Variants in CFAP299 observed in about 807,000 individuals in gnomAD.
The protein encoded by CFAP299 is cilia- and flagella-associated protein 299.
In CFAP299, 21 loss-of-function variants were observed where a neutral mutation model predicts 27.0. The ratio of observed to expected loss-of-function variants is 0.78; its 90% CI spans 0.55 to 1.12. CFAP299 has a LOEUF of 1.12. CFAP299 is among the 50% of genes most tolerant of loss of function. The pLI, the probability that CFAP299 is intolerant of heterozygous loss-of-function variation, is 0.00. For synonymous variants in CFAP299, 104 were observed against 98.1 expected (o/e 1.06, Z -0.36); for missense variants, 310 against 276.6 (o/e 1.12, Z -0.86).
chr4:80,883,702 G>T (rs1733831297), intron 4 of CFAP299, among the ~76,000 whole-genome samples: 1 of 152,080 alleles, frequency 6.6e-6, no homozygotes, highest in East Asian at 1.9e-4. Context: ...GTTCATAATA[G>T]AGTGATACAG....
At chr4:80,655,357 C>T (rs749784099) in intron 3 of CFAP299, among the ~76,000 whole-genome samples, 18 of 151,986 alleles carry the variant, frequency 1.2e-4, no homozygotes, top group Non-Finnish European at 1.8e-4. Flanking sequence ...CTATTGCTGC[C>T]GGATACAATA....
intron 2 of CFAP299, among the ~76,000 whole-genome samples, chr4:80,508,329 G>A (rs1732131576): frequency 1.3e-5 from 2 of 152,186 alleles, no homozygotes; most frequent in African/African-American, 2.4e-5. Flanking sequence ...GGTGGAAACA[G>A]ATAGTTTTCT....
chr4:80,851,554 G>C (rs907232784), intron 3 of CFAP299, among the ~76,000 whole-genome samples: 1 of 152,084 alleles, frequency 6.6e-6, no homozygotes, highest in Non-Finnish European at 1.5e-5. Flanking sequence ...GGAACTGAAA[G>C]GTATAGAAGA....
At chr4:80,358,290 G>A (rs1454752119) in intron 1 of CFAP299, among the ~76,000 whole-genome samples, 1 of 152,096 alleles carries the variant, frequency 6.6e-6, no homozygotes, top group South Asian at 2.1e-4. Flanking sequence ...GTGACAGGTG[G>A]CAGTGAGAAG....
the CFAP299 span, among the ~76,000 whole-genome samples, chr4:80,325,270 C>T: frequency 2.6e-5 from 4 of 152,214 alleles, no homozygotes; most frequent in Non-Finnish European, 5.9e-5. Flanking sequence ...TTTGTTGAAA[C>T]ACAGTAGGTA....
At chr4:80,749,065 T>G (rs1724781499) in intron 3 of CFAP299, among the ~76,000 whole-genome samples, 1 of 152,216 alleles carries the variant, frequency 6.6e-6, no homozygotes, top group African/African-American at 2.4e-5. Flanking sequence ...ATAGGCAGCA[T>G]TTCTAGTATA....
At chr4:80,851,020 T>C (rs1731491453) in intron 3 of CFAP299, among the ~76,000 whole-genome samples, 1 of 152,126 alleles carries the variant, frequency 6.6e-6, no homozygotes, top group South Asian at 2.1e-4. Context: ...AGCAAATTTA[T>C]GGAATGACAT....
intron 4 of CFAP299, among the ~76,000 whole-genome samples, chr4:80,941,838 G>A (rs1293256849): frequency 6.6e-6 from 1 of 152,096 alleles, no homozygotes; most frequent in African/African-American, 2.4e-5. Flanking sequence ...AAGAGACAAG[G>A]GAGGTGTACA....
intron 3 of CFAP299, among the ~76,000 whole-genome samples, chr4:80,860,310 G>T (rs561587010): frequency 1.2e-4 from 18 of 152,056 alleles, no homozygotes; most frequent in East Asian, 3.9e-4. Flanking sequence ...TTATACATTC[G>T]TCTAAATTTT....
At chr4:80,504,503 A>ATATATG (rs1731912497) in intron 2 of CFAP299, among the ~76,000 whole-genome samples, 1 of 119,646 alleles carries the variant, frequency 8.4e-6, no homozygotes, top group African/African-American at 3.2e-5. Context: ...ATATATATAT[A>ATATATG]TATTTTCCTT....
intron 3 of CFAP299, among the ~76,000 whole-genome samples, chr4:80,781,655 G>T (rs1163580960): frequency 6.6e-6 from 1 of 151,910 alleles, no homozygotes; most frequent in Non-Finnish European, 1.5e-5. Context: ...GATTTTCTAT[G>T]GTCAGGCCTA....
chr4:80,625,315 T>TAAG (rs1267630055), intron 3 of CFAP299, among the ~76,000 whole-genome samples: 1 of 151,964 alleles, frequency 6.6e-6, no homozygotes, highest in East Asian at 1.9e-4. Context: ...TTAAGTTGTT[T>TAAG]TCAGCTTAAA....
chr4:80,418,069 G>T (rs1308356088), intron 2 of CFAP299, among the ~76,000 whole-genome samples: 1 of 152,076 alleles, frequency 6.6e-6, no homozygotes, highest in Non-Finnish European at 1.5e-5. Context: ...CAGCATAAGT[G>T]GACAAAGCCA....
intron 3 of CFAP299, among the ~76,000 whole-genome samples, chr4:80,786,742 G>T (rs1250394430): frequency 4.6e-5 from 7 of 152,070 alleles, no homozygotes; most frequent in African/African-American, 1.7e-4. Flanking sequence ...TGCTAAATTT[G>T]TAACTGCTTC....
At chr4:80,387,531 G>C (rs554518224) in intron 2 of CFAP299, 16 of 872,446 alleles carry the variant, frequency 1.8e-5, no homozygotes, top group Non-Finnish European at 2.7e-5. Context: ...GTAGGGGCTG[G>C]CCCAACCCTG....
intron 3 of CFAP299, among the ~76,000 whole-genome samples, chr4:80,718,190 C>A (rs1267342073): frequency 6.6e-6 from 1 of 151,984 alleles, no homozygotes; most frequent in Admixed American, 6.6e-5. Flanking sequence ...ATAGTTAAGT[C>A]TTTAGAACAC....
intron 2 of CFAP299, among the ~76,000 whole-genome samples, chr4:80,581,453 G>GAGATATAT (rs1553936101): frequency 1.9e-4 from 20 of 103,028 alleles, no homozygotes; most frequent in African/African-American, 1.0e-3. Context: ...TATTAAGTGA[G>GAGATATAT]ATATATATAT....
At chr4:80,476,944 C>T (rs181109052) in intron 2 of CFAP299, among the ~76,000 whole-genome samples, 12 of 137,826 alleles carry the variant, frequency 8.7e-5, no homozygotes, top group Admixed American at 7.3e-5. Context: ...TGTGTGTGTG[C>T]GTGTGTGTGC....
At chr4:80,637,564 C>A (rs1328866380) in intron 3 of CFAP299, among the ~76,000 whole-genome samples, 1 of 152,046 alleles carries the variant, frequency 6.6e-6, no homozygotes, top group African/African-American at 2.4e-5. Context: ...AAGAGGAATT[C>A]CCAGCACTAT....
Sources: gnomAD v4.1 joint callset for allele counts (sites outside exome capture counted in the v4.1 genomes callset) on GRCh38, gnomAD v4.1.1 for gene constraint, MANE v1.5 for transcripts, NCBI Gene and HGNC (gene_info 2026-07-23, HGNC 2026-07-21) for gene names.